The following DLGAP2 variants were observed in gnomAD, a reference collection of about 807,000 sequenced individuals.
DLGAP2 encodes the protein DLG associated protein 2, also known as disks large-associated protein 2.
A neutral mutation model predicts 100.3 loss-of-function variants in DLGAP2; 26 were observed. That is an observed-to-expected ratio of 0.26 (90% CI 0.19 to 0.36). The LOEUF is 0.36. Ranked by LOEUF, DLGAP2 falls within the 10% of genes least tolerant of loss-of-function variation. The probability of loss-of-function intolerance (pLI) is 1.00; values close to 1 mark genes in which losing one functional copy is unlikely to be tolerated. For missense variants in DLGAP2, 1,858 were observed against 1,453.2 expected (o/e 1.28, Z -4.53); for synonymous variants, 886 against 630.1 (o/e 1.41, Z -6.08).
At chr8:1,594,330 C>G (rs1156509940) in intron 6 of DLGAP2, among the ~76,000 whole-genome samples, 2 of 152,024 alleles carry the variant, frequency 1.3e-5, no homozygotes, top group African/African-American at 4.8e-5. Flanking sequence ...TATGAAGATG[C>G]CCCCTAAGGT....
At chr8:1,152,784 G>T (rs758129033) in intron 2 of DLGAP2, among the ~76,000 whole-genome samples, 7 of 152,158 alleles carry the variant, frequency 4.6e-5, no homozygotes, top group Non-Finnish European at 7.4e-5. Flanking sequence ...AAAACCAGAT[G>T]GGCCAAACCT....
chr8:1,370,551 T>C (rs1473858758), intron 3 of DLGAP2, among the ~76,000 whole-genome samples: 1 of 152,216 alleles, frequency 6.6e-6, no homozygotes, highest in Non-Finnish European at 1.5e-5. Context: ...TTGCTTAAAA[T>C]AAAATGCTGA....
At chr8:1,561,108 G>GT (rs1035212595) in intron 5 of DLGAP2, among the ~76,000 whole-genome samples, 18 of 152,226 alleles carry the variant, frequency 1.2e-4, no homozygotes, top group African/African-American at 4.3e-4. Context: ...AGATCTGATG[G>GT]TTTTTTAAAA....
chr8:1,319,452 C>T (rs1044707289), intron 3 of DLGAP2, among the ~76,000 whole-genome samples: 3 of 152,182 alleles, frequency 2.0e-5, no homozygotes, highest in African/African-American at 7.2e-5. Flanking sequence ...CTCTGTCTTC[C>T]AGCTCTGCAC....
chr8:1,621,937 T>C (rs1797353214), intron 6 of DLGAP2: 1 of 152,210 alleles, frequency 6.6e-6, no homozygotes, highest in Non-Finnish European at 1.5e-5. Flanking sequence ...GGAACAAGCA[T>C]GCCTTCATCT....
At position 935,502 on chromosome 8, in the gene DLGAP2, A is replaced by G. The variant is rs576422140; in HGVS notation, c.73+27536A>G. 7.2e-5 allele frequency among the ~76,000 whole-genome samples: 11 copies of G among 152,358 alleles called. No homozygotes were observed. In the South Asian group the frequency reaches 1.9e-3, roughly 26 times the overall value. ...GTTGGATTAAATAAACTATATTAAA[A>G]TTAATCTCACCTGTTTCTTATGGTT... On this transcript the variant is annotated intron_variant, in intron 2 of 14. Transcript: ENST00000637795.
intron 2 of DLGAP2, among the ~76,000 whole-genome samples, chr8:964,649 C>T (rs1000065865): frequency 2.6e-5 from 4 of 152,258 alleles, no homozygotes; most frequent in African/African-American, 7.2e-5. Flanking sequence ...TAATGTTCCT[C>T]ACCAAGGCCT....
chr8:1,443,721 G>C (rs1414175089), intron 3 of DLGAP2, among the ~76,000 whole-genome samples: 1 of 152,082 alleles, frequency 6.6e-6, no homozygotes, highest in Non-Finnish European at 1.5e-5. Context: ...AATCTAGTGA[G>C]ACTTACTACC....
chr8:1,179,538 C>G (rs1349056157), intron 2 of DLGAP2, among the ~76,000 whole-genome samples: 1 of 152,256 alleles, frequency 6.6e-6, no homozygotes, highest in African/African-American at 2.4e-5. Context: ...CCACCTCTCT[C>G]CAAGTTTCCT....
chr8:1,527,625 C>T (rs1274007310), intron 4 of DLGAP2, among the ~76,000 whole-genome samples: 4 of 152,294 alleles, frequency 2.6e-5, no homozygotes, highest in Non-Finnish European at 2.9e-5. Flanking sequence ...AACTGAAATA[C>T]GCTTCCTTTT....
chr8:1,046,003 AG>A (rs1055169386), intron 2 of DLGAP2, among the ~76,000 whole-genome samples: 1 of 152,066 alleles, frequency 6.6e-6, no homozygotes, highest in Non-Finnish European at 1.5e-5. Context: ...AATTAGTGAG[AG>A]GGGGAAAGTG....
chr8:1,628,315 A>T (rs1797558996), intron 7 of DLGAP2, among the ~76,000 whole-genome samples: 1 of 145,144 alleles, frequency 6.9e-6, no homozygotes, highest in Non-Finnish European at 1.5e-5. Flanking sequence ...TAAGAGCTTG[A>T]GCCGAGCTCA....
chr8:1,193,358 C>G (rs892361454), intron 2 of DLGAP2, among the ~76,000 whole-genome samples: 4 of 152,152 alleles, frequency 2.6e-5, no homozygotes, highest in Non-Finnish European at 2.9e-5. Flanking sequence ...TTTTAATGAT[C>G]GCCATTCTAA....
chr8:1,387,749 G>A lies in DLGAP2; in HGVS notation c.107-113617G>A, dbSNP rs138134001. Reference sequence around the variant, plus strand: ...GTGAGAGGAAGGTTCAGGTAGGAATGGCAACCAGATTTTTCTCAGGAACCA... The same window carrying A: ...GTGAGAGGAAGGTTCAGGTAGGAATAGCAACCAGATTTTTCTCAGGAACCA... On this transcript the variant is annotated intron_variant, in intron 3 of 14. Transcript: ENST00000637795. Among the ~76,000 whole-genome samples the A allele has an allele frequency of 1.0e-3, 155 of 152,294 alleles. 1 individual carries two copies. The East Asian group carries it at 0.025, about 25-fold the overall frequency.
chr8:831,521 C>T (rs980212233), intron 1 of DLGAP2, among the ~76,000 whole-genome samples: 3 of 152,134 alleles, frequency 2.0e-5, no homozygotes, highest in Non-Finnish European at 2.9e-5. Context: ...CAGCTTCATC[C>T]ATGTCCCTGC....
chr8:1,026,061 G>T (rs999905848), intron 2 of DLGAP2, among the ~76,000 whole-genome samples: 1 of 152,210 alleles, frequency 6.6e-6, no homozygotes, highest in Non-Finnish European at 1.5e-5. Context: ...GCACCACCAT[G>T]CACTTCGTCC....
At chr8:1,281,903 G>A (rs1030864383) in intron 3 of DLGAP2, among the ~76,000 whole-genome samples, 1 of 152,216 alleles carries the variant, frequency 6.6e-6, no homozygotes, top group African/African-American at 2.4e-5. Context: ...CAGCCAGAGG[G>A]TCATGTGATG....
At chr8:783,359 G>C (rs1821752980) in intron 1 of DLGAP2, among the ~76,000 whole-genome samples, 2 of 152,148 alleles carry the variant, frequency 1.3e-5, no homozygotes, top group South Asian at 4.1e-4. Flanking sequence ...TTCTGTCTTG[G>C]TTCTGGTCTT....
intron 2 of DLGAP2, among the ~76,000 whole-genome samples, chr8:1,104,364 C>T (rs1313177194): frequency 6.6e-6 from 1 of 152,040 alleles, no homozygotes; most frequent in Admixed American, 6.5e-5. Context: ...TTGATGCCAG[C>T]CATGTAAAGA....
Sources: gnomAD v4.1 joint callset for allele counts (sites outside exome capture counted in the v4.1 genomes callset) on GRCh38, gnomAD v4.1.1 for gene constraint, MANE v1.5 for transcripts, NCBI Gene and HGNC (gene_info 2026-07-23, HGNC 2026-07-21) for gene names.